DSTYK: variants seen among roughly 807,000 people sequenced by gnomAD.
DSTYK encodes the protein dual serine/threonine and tyrosine protein kinase, also known as RIP-homologous kinase.
Under a neutral mutation model 98.7 loss-of-function variants are expected in DSTYK, and 34 were observed. The observed-to-expected ratio is 0.34, with a 90% CI of 0.26 to 0.46. The LOEUF is 0.46. DSTYK is among the 20% of genes least tolerant of loss of function. The pLI, the probability that DSTYK is intolerant of heterozygous loss-of-function variation, is 1.00. For synonymous variants in DSTYK, 462 were observed against 457.3 expected (o/e 1.01, Z -0.13); for missense variants, 962 against 1,181.7 (o/e 0.81, Z 2.73).
intron 10 of DSTYK, among the ~76,000 whole-genome samples, chr1:205,156,993 C>T (rs1239319718): frequency 6.6e-6 from 1 of 152,168 alleles, no homozygotes; most frequent in Non-Finnish European, 1.5e-5. Flanking sequence ...CAGTACTTCT[C>T]CTTGCTGCTG....
intron 2 of DSTYK, among the ~76,000 whole-genome samples, chr1:205,183,482 C>T (rs1018262933): frequency 6.6e-6 from 1 of 152,144 alleles, no homozygotes; most frequent in East Asian, 1.9e-4. Context: ...TTTATGAGGA[C>T]TTTAAAATAA....
chr1:205,187,406 T>C lies in DSTYK; in HGVS notation c.654+12A>G. 2 of 1,574,442 alleles carry C rather than the reference T, an allele frequency of 1.3e-6. No homozygotes were observed. Among genetic ancestry groups the C allele is most frequent in the Non-Finnish European group, 1.7e-6 (2 of 1,150,800 alleles). ...TATGTATACAATTGGTATAGAAGTATGAGATTGGTACCTGTAAGAGAGCAT... is the reference window on the plus strand; with the variant it reads ...TATGTATACAATTGGTATAGAAGTACGAGATTGGTACCTGTAAGAGAGCAT... On this transcript the variant is annotated intron_variant, in intron 2 of 12. Transcript: ENST00000367162.
Position 205,161,260 on chromosome 1 carries a change from T to C in DSTYK, c.1946A>G (p.His649Arg). 1.9e-6 allele frequency: 3 copies of C among 1,613,960 alleles called. No homozygotes were observed. Among genetic ancestry groups the C allele is most frequent in the Non-Finnish European group, 2.5e-6 (3 of 1,179,920 alleles). ...ATCTAGAAGAAAACCAGACTCACGA[T>C]GAAGCAAGACATCCTGTAAAGAACA... ...ESCSLQDVLL[H>R]RKPKLGQELG... The change falls in exon 7 of 13, where the codon CAT becomes CGT. Residue 649 changes from histidine (H) to arginine (R), a missense_variant and splice_region_variant. His to Arg is a conservative substitution (Grantham distance 29, BLOSUM62 0). Coordinates refer to ENST00000367162, the MANE Select transcript of DSTYK (RefSeq NM_015375.3).
chr1:205,148,368 G>C (rs1456053310), intron 11 of DSTYK, 29 bp from the exon 12 acceptor site: 1 of 1,609,606 alleles, frequency 6.2e-7, no homozygotes, highest in East Asian at 2.2e-5. Context: ...GAAACGTAAT[G>C]AGCCACAGAG....
Position 205,150,706 on chromosome 1 carries a change from A to C in DSTYK, c.2441T>G (p.Ile814Ser). The C allele has an allele frequency of 6.2e-7, 1 of 1,613,934 alleles. No individual in the cohort carries two copies. Among genetic ancestry groups the C allele is most frequent in the Non-Finnish European group, 8.5e-7 (1 of 1,179,966 alleles). Residue 814 changes from isoleucine to serine, a missense_variant, in exon 11 of 13, where the codon ATC becomes AGC. Around this residue, in one of 4 missense-constraint regions of DSTYK, gnomAD observed 69 missense variants for 142.9 expected, o/e 0.48. Transcript: ENST00000367162. The surrounding 1 kb of genome is among the most constrained non-coding windows in gnomAD (Gnocchi z 4.1). ...TGTGAAAAGTTCAGGGGCCATATGG[A>C]TTGGTGTCCCCACAATGCTGCCTGA... ...MMSGSIVGTP[I>S]HMAPELFTGK...
intron 4 of DSTYK, 29 bp downstream of exon 4, chr1:205,163,694 C>G (rs1212229237): frequency 1.3e-6 from 2 of 1,568,834 alleles, no homozygotes; most frequent in Admixed American, 3.5e-5. Flanking sequence ...ATCTATGACA[C>G]GATGTCTTAA....
intron 9 of DSTYK, 110 bp downstream of exon 9, chr1:205,159,437 C>T (rs1468237835): frequency 2.3e-6 from 3 of 1,299,120 alleles, no homozygotes; most frequent in Non-Finnish European, 3.1e-6. Flanking sequence ...ACCCTAATTA[C>T]TCCAACAATC....
chr1:205,211,047 C>T (rs1037866595), intron 1 of DSTYK, among the ~76,000 whole-genome samples: 1 of 152,226 alleles, frequency 6.6e-6, no homozygotes, highest in African/African-American at 2.4e-5. Context: ...TCGGTTGCCC[C>T]TGGCTCCCGG....
At chr1:205,174,907 T>C (rs1658184165) in intron 2 of DSTYK, among the ~76,000 whole-genome samples, 1 of 150,062 alleles carries the variant, frequency 6.7e-6, no homozygotes, top group Admixed American at 6.7e-5. Flanking sequence ...CGGGCTAATT[T>C]TGTTTTTTTA....
chr1:205,181,653 G>GGGGGGTGTGTGTGTGTGT (rs758360038), intron 2 of DSTYK, among the ~76,000 whole-genome samples: 2 of 84,052 alleles, frequency 2.4e-5, no homozygotes, highest in East Asian at 5.1e-4. Context: ...CAGATGTTGG[G>GGGGGGTGTGTGTGTGTGT]GTTTGTGTGT....
intron 10 of DSTYK, among the ~76,000 whole-genome samples, chr1:205,155,994 G>T (rs929458812): frequency 6.6e-6 from 1 of 152,264 alleles, no homozygotes; most frequent in African/African-American, 2.4e-5. Flanking sequence ...TGCTTCAGAG[G>T]GTGCAAGCCC....
chr1:205,154,768 A>ATG (rs1657508573), intron 10 of DSTYK, among the ~76,000 whole-genome samples: 1 of 152,162 alleles, frequency 6.6e-6, no homozygotes, highest in East Asian at 1.9e-4. Flanking sequence ...GACTTGTTGA[A>ATG]TGGCTTTGAC....
chr1:205,190,318 T>C (rs1013741585), intron 1 of DSTYK, among the ~76,000 whole-genome samples: 3 of 152,066 alleles, frequency 2.0e-5, no homozygotes, highest in Non-Finnish European at 4.4e-5. Flanking sequence ...ACCTCCTTCA[T>C]GTGGATAAAA....
intron 1 of DSTYK, among the ~76,000 whole-genome samples, chr1:205,193,071 T>C (rs572270161): frequency 5.6e-4 from 86 of 152,300 alleles, no homozygotes; most frequent in Non-Finnish European, 9.1e-4. Context: ...ATAAAGCATA[T>C]GGAGAAAACC....
At chr1:205,202,081 AAAGGGAGAAGGGGAAGGGAGAGGGGG>A (rs1350218402) in intron 1 of DSTYK, 23 of 378,772 alleles carry the variant, frequency 6.1e-5, no homozygotes, top group South Asian at 2.3e-4. Context: ...GGGAGAGGGG[AAAGGGAGAAGGGGAAGGGAGAGGGGG>A]AAGGGAGAAG....
At position 205,156,657 on chromosome 1, in the gene DSTYK, G is replaced by A. The variant is rs138698504; in HGVS notation, c.2352+616C>T. ...AGGCTCACAGGCAGAAGGGACTTGC[G>A]TTGTCTCAGATAAAACTTTGGACTT... On this transcript the variant is annotated intron_variant, in intron 10 of 12. Coordinates refer to ENST00000367162, the MANE Select transcript of DSTYK (RefSeq NM_015375.3). Among the ~76,000 whole-genome samples, 20 of 152,270 alleles carry A rather than the reference G, an allele frequency of 1.3e-4. 1 individual carries two copies. In the East Asian group the frequency reaches 3.5e-3, roughly 26 times the overall value.
In DSTYK at chr1:205,169,776, C is replaced by T. The variant is rs1327561885; in HGVS notation, c.711G>A (p.Leu237=). The stretch of plus-strand genomic sequence containing the variant: ...GCAAGAAATCATTCACCAAGTCACC[C>T]AGAACATCCACTGTGGGCCGGAGGC... ...CQGLRPTVDV[L]GDLVNDFLPV... Residue 237 remains leucine (L), a synonymous_variant, in exon 3 of 13, where the codon CTG becomes CTA. Coordinates refer to ENST00000367162, the MANE Select transcript of DSTYK (RefSeq NM_015375.3). The surrounding 1 kb of genome is among the most constrained non-coding windows in gnomAD (Gnocchi z 4.0). 1.2e-6 allele frequency: 2 copies of T among 1,614,200 alleles called. No individual in the cohort carries two copies. Among genetic ancestry groups the T allele is most frequent in the African/African-American group, 1.3e-5 (1 of 75,058 alleles).
At chr1:205,211,221 C>T (rs1409634323) in intron 1 of DSTYK, 50 bp downstream of exon 1, 1 of 1,536,602 alleles carries the variant, frequency 6.5e-7, no homozygotes, top group Admixed American at 2.0e-5. Flanking sequence ...TGCGGTCCGT[C>T]CTCCGATTTG....
intron 8 of DSTYK, 38 bp downstream of exon 8, chr1:205,160,075 TG>T (rs776771380): frequency 1.2e-6 from 2 of 1,611,382 alleles, no homozygotes; most frequent in Non-Finnish European, 1.7e-6. Flanking sequence ...GATTCTTCTC[TG>T]GATCTTTCTC....
Sources: gnomAD v4.1 joint callset for allele counts (sites outside exome capture counted in the v4.1 genomes callset) on GRCh38, gnomAD v4.1.1 for gene constraint, gnomAD v4.1.1 regional missense constraint, Gnocchi (gnomAD v3.1) non-coding constraint, MANE v1.5 for transcripts, NCBI Gene and HGNC (gene_info 2026-07-23, HGNC 2026-07-21) for gene names.